MUSK: variants seen among roughly 807,000 people sequenced by gnomAD.
MUSK encodes muscle, skeletal receptor tyrosine-protein kinase.
A neutral mutation model predicts 88.7 loss-of-function variants in MUSK; 55 were observed. The observed-to-expected ratio is 0.62, with a 90% CI of 0.50 to 0.78. The LOEUF is 0.78. MUSK is among the 30% of genes least tolerant of loss of function. The pLI, the probability that MUSK is intolerant of heterozygous loss-of-function variation, is 0.00. For missense variants in MUSK, 1,015 were observed against 1,074.3 expected (o/e 0.94, Z 0.77); for synonymous variants, 387 against 391.9 (o/e 0.99, Z 0.15).
intron 5 of MUSK, among the ~76,000 whole-genome samples, chr9:110,719,000 G>T (rs1230917504): frequency 6.6e-6 from 1 of 152,008 alleles, no homozygotes; most frequent in East Asian, 1.9e-4. Context: ...CATAAATGAA[G>T]GAAAGATACA....
At chr9:110,702,220 T>C (rs2076538090) in intron 5 of MUSK, among the ~76,000 whole-genome samples, 1 of 151,994 alleles carries the variant, frequency 6.6e-6, no homozygotes, top group South Asian at 2.1e-4. Flanking sequence ...AAGCTCAAAA[T>C]GGACAGGAAC....
chr9:110,730,943 G>A (rs2076955165), intron 5 of MUSK, among the ~76,000 whole-genome samples: 1 of 151,916 alleles, frequency 6.6e-6, no homozygotes, highest in Non-Finnish European at 1.5e-5. Context: ...AAGAAGCCCT[G>A]ACCTGGTAAA....
intron 9 of MUSK, among the ~76,000 whole-genome samples, chr9:110,774,414 G>T (rs2077632551): frequency 6.6e-6 from 1 of 152,080 alleles, no homozygotes; most frequent in African/African-American, 2.4e-5. Flanking sequence ...ATGCTTTAGT[G>T]CATGGCAATG....
intron 7 of MUSK, among the ~76,000 whole-genome samples, chr9:110,756,998 G>A (rs2077334157): frequency 6.6e-6 from 1 of 152,090 alleles, no homozygotes; most frequent in Non-Finnish European, 1.5e-5. Flanking sequence ...TCCATGCTGT[G>A]AGTAGTTGAA....
At chr9:110,703,560 G>A (rs2076558216) in intron 5 of MUSK, among the ~76,000 whole-genome samples, 1 of 151,642 alleles carries the variant, frequency 6.6e-6, no homozygotes, top group African/African-American at 2.4e-5. Flanking sequence ...AAATAAATTA[G>A]GAAGACAGGC....
At chr9:110,777,088 A>AT in intron 11 of MUSK, among the ~76,000 whole-genome samples, 1 of 152,160 alleles carries the variant, frequency 6.6e-6, no homozygotes, top group South Asian at 2.1e-4. Context: ...GAAGTTAGGT[A>AT]TTTTTTTAAG....
At chr9:110,691,855 C>T (rs910300117) in intron 3 of MUSK, among the ~76,000 whole-genome samples, 7 of 152,072 alleles carry the variant, frequency 4.6e-5, no homozygotes, top group East Asian at 3.9e-4. Context: ...AATTTGTGCA[C>T]GATTGGAAGT....
chr9:110,778,796 G>A (rs1322087217), intron 11 of MUSK, among the ~76,000 whole-genome samples: 1 of 152,018 alleles, frequency 6.6e-6, no homozygotes, highest in African/African-American at 2.4e-5. Context: ...GACCTCATGT[G>A]TAATAAAGCT....
chr9:110,697,616 T>A, intron 5 of MUSK, 150 bp downstream of exon 5: 1 of 804,814 alleles, frequency 1.2e-6, no homozygotes, highest in Non-Finnish European at 1.7e-6. Context: ...AAGCGTATGA[T>A]AACAGAAAAG....
chr9:110,773,584 C>A (rs905687689), intron 9 of MUSK, among the ~76,000 whole-genome samples: 2 of 152,044 alleles, frequency 1.3e-5, no homozygotes, highest in Admixed American at 6.5e-5. Context: ...AAATTCACTT[C>A]TTGTTCATTC....
intron 14 of MUSK, among the ~76,000 whole-genome samples, chr9:110,798,954 G>A (rs1017815819): frequency 3.3e-5 from 5 of 151,910 alleles, no homozygotes; most frequent in African/African-American, 1.2e-4. Flanking sequence ...GAAATATTTT[G>A]TCATTTTTTT....
intron 6 of MUSK, among the ~76,000 whole-genome samples, chr9:110,746,821 G>A (rs2077179977): frequency 1.3e-5 from 2 of 152,124 alleles, no homozygotes; most frequent in Non-Finnish European, 2.9e-5. Context: ...TATGTATTAT[G>A]TATGTCATGC....
chr9:110,698,810 CA>C (rs1348088220), intron 5 of MUSK, among the ~76,000 whole-genome samples: 5 of 152,080 alleles, frequency 3.3e-5, no homozygotes, highest in African/African-American at 1.2e-4. Flanking sequence ...CCGTATTCAA[CA>C]ACCAGTTGAT....
chr9:110,671,160 C>A (rs1320377334), intron 1 of MUSK, among the ~76,000 whole-genome samples: 1 of 151,996 alleles, frequency 6.6e-6, no homozygotes, highest in African/African-American at 2.4e-5. Flanking sequence ...TTAGTAGAGA[C>A]AGGGTTTCAC....
At chr9:110,754,591 A>G (rs2077288996) in intron 7 of MUSK, among the ~76,000 whole-genome samples, 1 of 152,248 alleles carries the variant, frequency 6.6e-6, no homozygotes, top group African/African-American at 2.4e-5. Context: ...GCTTATCTCC[A>G]TGCTCCTTCC....
At chr9:110,714,018 T>A (rs990590035) in intron 5 of MUSK, among the ~76,000 whole-genome samples, 2 of 152,160 alleles carry the variant, frequency 1.3e-5, no homozygotes, top group Non-Finnish European at 2.9e-5. Flanking sequence ...AAAATAAAAA[T>A]GTTTTAAAAA....
chr9:110,689,975 A>C, intron 3 of MUSK, among the ~76,000 whole-genome samples: 1 of 74,814 alleles, frequency 1.3e-5, no homozygotes, highest in South Asian at 4.7e-4. Flanking sequence ...TATATATTAT[A>C]TTATAAATAT....
chr9:110,774,483 T>A (rs534244651), intron 9 of MUSK, among the ~76,000 whole-genome samples: 4 of 152,166 alleles, frequency 2.6e-5, no homozygotes, highest in Non-Finnish European at 2.9e-5. Flanking sequence ...AATAAAAAAA[T>A]TTCCCAGGTA....
chr9:110,735,746 G>A (rs981026229), intron 6 of MUSK, among the ~76,000 whole-genome samples: 2 of 152,088 alleles, frequency 1.3e-5, no homozygotes, highest in Non-Finnish European at 2.9e-5. Flanking sequence ...GAAGCATAAT[G>A]GCTTCTGCTT....
Sources: allele counts gnomAD v4.1 joint callset (sites outside exome capture counted in the v4.1 genomes callset), GRCh38; gene constraint gnomAD v4.1.1; transcripts MANE v1.5; gene names NCBI Gene and HGNC (gene_info 2026-07-23, HGNC 2026-07-21).